The following CASP6 variants were observed in gnomAD, a reference collection of about 807,000 sequenced individuals.
The protein encoded by CASP6 is caspase 6.
CASP6 carries 20 observed loss-of-function variants against 31.8 expected under a neutral mutation model. The observed-to-expected ratio is 0.63, with a 90% CI of 0.44 to 0.91. CASP6 has a LOEUF of 0.91. Ranked by LOEUF, CASP6 falls within the 40% of genes least tolerant of loss-of-function variation. The pLI is 0.00. For synonymous variants in CASP6, 130 were observed against 127.8 expected, an observed-to-expected ratio of 1.02 and a Z score of -0.12; for missense variants, 328 against 361.1, an observed-to-expected ratio of 0.91 and a Z score of 0.74.
chr4:109,682,811 A>G, the CASP6 span: 1 of 1,220,058 alleles, frequency 8.2e-7, no homozygotes, highest in Non-Finnish European at 1.1e-6. Context: ...TCCTCATGTG[A>G]GCATTTTTCT....
At position 109,689,285 on chromosome 4, in the gene CASP6, A is replaced by C. The variant is rs1456802499; in HGVS notation, c.*45T>G. 2 of 1,576,192 alleles carry C rather than the reference A, an allele frequency of 1.3e-6. No homozygotes were observed. The highest frequency in any genetic ancestry group is 4.5e-5 in the East Asian group (2 of 44,544). On this transcript the variant is annotated 3_prime_UTR_variant, in exon 7 of 7. Transcript: ENST00000265164. ...TGTGAGTAACCACGCCTGGCTGAGA[A>C]AGCCATTTTCAATACAGAGTGTAAA...
Position 109,703,261 on chromosome 4 carries a change from T to G in CASP6, c.40+95A>C, listed in dbSNP as rs2126162395. The G allele has an allele frequency of 1.7e-5, 24 of 1,425,622 alleles. No homozygotes were observed. The South Asian group carries it at 3.1e-4, about 18-fold the overall frequency. The allele number at this position is 1,425,622 out of a possible 1,614,324, so 88.3% of individuals were successfully genotyped here. A position where few individuals can be genotyped will look rare whatever the true frequency, so the allele number is the denominator to read the frequency against. On this transcript the variant is annotated intron_variant, in intron 1 of 6. Transcript: ENST00000265164. Reference sequence around the variant, plus strand: ...AAGCCGAAGGAACCCGCGGCCCCACTCCGGTCCGCGCGCCCGGTCCACTAA... The same window carrying G: ...AAGCCGAAGGAACCCGCGGCCCCACGCCGGTCCGCGCGCCCGGTCCACTAA...
At chr4:109,679,576 C>G in the CASP6 span, among the ~76,000 whole-genome samples, 1 of 152,180 alleles carries the variant, frequency 6.6e-6, no homozygotes, top group Non-Finnish European at 1.5e-5. Context: ...GAGCCGAGAT[C>G]ATGGCAGTAC....
chr4:109,691,496 A>G (rs1241508520), intron 5 of CASP6, among the ~76,000 whole-genome samples: 1 of 152,216 alleles, frequency 6.6e-6, no homozygotes, highest in African/African-American at 2.4e-5. Context: ...CTAATGCACC[A>G]TCTTCCTTGT....
At position 109,689,402 on chromosome 4, in the gene CASP6, A is replaced by C. The variant is rs1729957004; in HGVS notation, c.810T>G (p.Ile270Met). ...RVDFCKDPSA[I>M]GKKQVPCFAS... ...CAAAACAGGGAACCTGCTTCTTTCC[A>C]ATTGCACTTGGGTCTTTGCAAAAGT... Residue 270 changes from isoleucine (I) to methionine (M), a missense_variant, in exon 7 of 7, where the codon ATT becomes ATG. Transcript: ENST00000265164. 6.2e-7 allele frequency: 1 copy of C among 1,614,236 alleles called. No individual in the cohort carries two copies. The highest frequency in any genetic ancestry group is 8.5e-7 in the Non-Finnish European group (1 of 1,180,038).
At chr4:109,700,614 G>T (rs1270714412) in intron 1 of CASP6, among the ~76,000 whole-genome samples, 1 of 151,990 alleles carries the variant, frequency 6.6e-6, no homozygotes, top group Non-Finnish European at 1.5e-5. Flanking sequence ...TGTTGTTGTT[G>T]TTTGTTAATG....
downstream of CASP6, chr4:109,688,423 AAG>A (rs1729906237): frequency 1.3e-5 from 2 of 152,222 alleles, no homozygotes; most frequent in Admixed American, 1.3e-4. Context: ...TATAGTGGCT[AAG>A]AATTATGTTT....
At chr4:109,677,594 G>A in the CASP6 span, among the ~76,000 whole-genome samples, 1 of 152,150 alleles carries the variant, frequency 6.6e-6, no homozygotes, top group South Asian at 2.1e-4. Context: ...CAACGTGAGT[G>A]GATTAATGTC....
chr4:109,701,713 C>T (rs902079542), intron 1 of CASP6, among the ~76,000 whole-genome samples: 7 of 152,178 alleles, frequency 4.6e-5, no homozygotes, highest in African/African-American at 1.4e-4. Context: ...TTGATAGTCC[C>T]TCCAGATAAT....
At position 109,701,459 on chromosome 4, in the gene CASP6, C is replaced by T. The variant is rs548599897; in HGVS notation, c.40+1897G>A. On this transcript the variant is annotated intron_variant, in intron 1 of 6. Coordinates refer to ENST00000265164, the MANE Select transcript of CASP6 (RefSeq NM_001226.4). ...ACTTTTTTTTTTTGAGACAGAGCCT[C>T]CCTCTGTCGCCCAGGCTGCAGTGCA... is the stretch of plus-strand genomic sequence containing the variant. Among the ~76,000 whole-genome samples the T allele has an allele frequency of 3.3e-5, 5 of 149,882 alleles. No individual in the cohort carries two copies. The South Asian group carries it at 6.4e-4, about 19-fold the overall frequency.
intron 1 of CASP6, 116 bp from the exon 2 acceptor site, chr4:109,698,458 G>T: frequency 1.3e-6 from 1 of 766,496 alleles, no homozygotes. Context: ...GTTTTGGTTA[G>T]TTTAAAAGCC....
the CASP6 span, among the ~76,000 whole-genome samples, chr4:109,666,286 G>A: frequency 6.6e-6 from 1 of 152,134 alleles, no homozygotes; most frequent in Non-Finnish European, 1.5e-5. Context: ...TTGTTTGCAC[G>A]TAGATTTTCA....
At chr4:109,702,652 C>T (rs1344781290) in intron 1 of CASP6, 1 of 152,292 alleles carries the variant, frequency 6.6e-6, no homozygotes. Flanking sequence ...GTTTGTTTCA[C>T]TCTGGCCAGG....
In CASP6 at chr4:109,693,703, G is replaced by A. The variant is rs1224560593; in HGVS notation, c.483+822C>T. Among the ~76,000 whole-genome samples the A allele has an allele frequency of 8.3e-5, 12 of 145,378 alleles. 1 individual carries two copies. The highest frequency in any genetic ancestry group is 3.4e-4 in the Admixed American group (5 of 14,640). ...CCATCTCAAAAAAAAAAAAAAAATC[G>A]TTAATGATGTGCCAAGTAATATTCA... is the stretch of plus-strand genomic sequence containing the variant. On this transcript the variant is annotated intron_variant, in intron 5 of 6. Coordinates refer to ENST00000265164, the MANE Select transcript of CASP6 (RefSeq NM_001226.4).
intron 4 of CASP6, among the ~76,000 whole-genome samples, chr4:109,695,599 T>C (rs1730213749): frequency 6.6e-6 from 1 of 151,834 alleles, no homozygotes; most frequent in African/African-American, 2.4e-5. Flanking sequence ...CTACTAAAAA[T>C]ACAAAAATTA....
At chr4:109,691,562 G>C (rs1321990266) in intron 5 of CASP6, among the ~76,000 whole-genome samples, 1 of 152,102 alleles carries the variant, frequency 6.6e-6, no homozygotes, top group African/African-American at 2.4e-5. Flanking sequence ...GACTCACTCA[G>C]AATTTACATT....
downstream of CASP6, chr4:109,684,593 A>G (rs1053680): frequency 7.3e-3 from 11,606 of 1,600,650 alleles, 741 homozygotes; most frequent in African/African-American, 0.14. Flanking sequence ...TACATACTTC[A>G]TCACATTTGC....
At chr4:109,681,437 A>G in the CASP6 span, 1 of 453,370 alleles carries the variant, frequency 2.2e-6, no homozygotes, top group Non-Finnish European at 4.4e-6. Context: ...TCTGGTAGAG[A>G]GTGTTACCGG....
chr4:109,675,734 G>A, the CASP6 span, among the ~76,000 whole-genome samples: 1 of 152,184 alleles, frequency 6.6e-6, no homozygotes, highest in Non-Finnish European at 1.5e-5. Flanking sequence ...ATGAATAGAT[G>A]AATGCCATTT....
Sources: allele counts gnomAD v4.1 joint callset (sites outside exome capture counted in the v4.1 genomes callset), GRCh38; gene constraint gnomAD v4.1.1; transcripts MANE v1.5; gene names NCBI Gene and HGNC (gene_info 2026-07-23, HGNC 2026-07-21).